Variants in PRKCE observed in about 807,000 individuals in gnomAD.
PRKCE encodes the protein protein kinase C epsilon.
PRKCE carries 16 observed loss-of-function variants against 85.4 expected under a neutral mutation model. The observed-to-expected ratio is 0.19, with a 90% confidence interval of 0.13 to 0.28. PRKCE has a LOEUF of 0.28. Ranked by LOEUF, PRKCE falls within the 10% of genes least tolerant of loss-of-function variation. PRKCE has a pLI of 1.00. For synonymous variants in PRKCE, 388 were observed against 371.5 expected (o/e 1.04, Z -0.51); for missense variants, 573 against 975.2 (o/e 0.59, Z 5.49).
chr2:45,961,005 T>C (rs1701337993), intron 2 of PRKCE, among the ~76,000 whole-genome samples: 1 of 152,360 alleles, frequency 6.6e-6, no homozygotes, highest in Admixed American at 6.5e-5. Context: ...ACAGAGGGGC[T>C]GGAAGCAAGA....
chr2:45,931,702 C>T (rs1469825901), intron 2 of PRKCE, among the ~76,000 whole-genome samples: 3 of 152,064 alleles, frequency 2.0e-5, no homozygotes, highest in African/African-American at 4.8e-5. Flanking sequence ...AGTGAGTATA[C>T]AGGTGACTGA....
At position 46,023,060 on chromosome 2, in the gene PRKCE, G is replaced by A. The variant is rs563743645; in HGVS notation, c.1437+12543G>A. On this transcript the variant is annotated intron_variant, in intron 10 of 14. Transcript: ENST00000306156. ...ATTGCGCCACTGCAGTCCGCAGTCC[G>A]TCCTGGGCGACAGAGCGAGACTCCG... is the stretch of plus-strand genomic sequence containing the variant. Among the ~76,000 whole-genome samples the A allele has an allele frequency of 2.9e-3, 393 of 133,700 alleles. 1 individual carries two copies. Among genetic ancestry groups the A allele is most frequent in the African/African-American group, 0.01 (343 of 33,842 alleles). The allele number at this position is 133,700 out of a possible 152,430, so 87.7% of individuals were successfully genotyped here. A position where few individuals can be genotyped will look rare whatever the true frequency, so the allele number is the denominator to read the frequency against.
At chr2:46,006,485 G>A (rs1219215213) in intron 8 of PRKCE, among the ~76,000 whole-genome samples, 1 of 152,154 alleles carries the variant, frequency 6.6e-6, no homozygotes, top group Non-Finnish European at 1.5e-5. Flanking sequence ...GCCCTTATGG[G>A]ACTCTGTCCT....
chr2:46,162,088 G>A (rs1346547668), intron 14 of PRKCE, among the ~76,000 whole-genome samples: 1 of 152,140 alleles, frequency 6.6e-6, no homozygotes, highest in Admixed American at 6.5e-5. Context: ...AGACAGGCAG[G>A]GAGCCCCTTA....
intron 14 of PRKCE, among the ~76,000 whole-genome samples, chr2:46,176,586 C>T (rs958637242): frequency 5.3e-5 from 8 of 152,200 alleles, no homozygotes; most frequent in African/African-American, 1.9e-4. Flanking sequence ...GTAGTAATCA[C>T]TTGAAGCAAT....
intron 2 of PRKCE, among the ~76,000 whole-genome samples, chr2:45,884,798 G>A (rs1028698113): frequency 1.3e-5 from 2 of 151,646 alleles, no homozygotes; most frequent in Non-Finnish European, 2.9e-5. Flanking sequence ...GGGATGAAGA[G>A]CGAAAGACAC....
intron 10 of PRKCE, among the ~76,000 whole-genome samples, chr2:46,065,879 C>T (rs1246068412): frequency 5.3e-5 from 8 of 152,152 alleles, no homozygotes; most frequent in African/African-American, 1.7e-4. Flanking sequence ...GCTGATGGCA[C>T]GGTCTCTTGG....
chr2:46,114,144 C>A (rs750300715), intron 11 of PRKCE, among the ~76,000 whole-genome samples: 10 of 152,084 alleles, frequency 6.6e-5, no homozygotes, highest in Non-Finnish European at 1.2e-4. Flanking sequence ...ACAGAAGAAC[C>A]CTGCGGTTCT....
rs1676563709 is a variant in PRKCE at position 45,677,477 on chromosome 2, C to T, written c.348+25029C>T. Among the ~76,000 whole-genome samples the T allele has an allele frequency of 5.3e-5, 8 of 152,066 alleles. No homozygotes were observed. In the South Asian group the frequency reaches 1.5e-3, roughly 28 times the overall value. ...GTTCCCGCCATTCTCCTGCCTCAGC[C>T]TCCCGAGTAGCTGGGACTACAGGCG... is the stretch of plus-strand genomic sequence containing the variant. On this transcript the variant is annotated intron_variant, in intron 1 of 14. Coordinates refer to ENST00000306156, the MANE Select transcript of PRKCE (RefSeq NM_005400.3).
At chr2:45,841,384 G>T (rs1691338367) in intron 1 of PRKCE, among the ~76,000 whole-genome samples, 1 of 152,202 alleles carries the variant, frequency 6.6e-6, no homozygotes. Context: ...GCAAACCACT[G>T]GTGTAAGTCC....
chr2:45,918,720 G>C (rs1698018888), intron 2 of PRKCE, among the ~76,000 whole-genome samples: 2 of 152,182 alleles, frequency 1.3e-5, no homozygotes, highest in South Asian at 2.1e-4. Context: ...ATGGGCCAGA[G>C]TCCTCTGCAG....
chr2:46,098,330 A>C (rs781098902), intron 11 of PRKCE, among the ~76,000 whole-genome samples: 7 of 137,980 alleles, frequency 5.1e-5, no homozygotes, highest in Admixed American at 2.8e-4. Flanking sequence ...TCCCCCCCCA[A>C]CCCACACAGA....
At chr2:45,706,024 C>A (rs978999530) in intron 1 of PRKCE, among the ~76,000 whole-genome samples, 9 of 152,110 alleles carry the variant, frequency 5.9e-5, no homozygotes, top group Non-Finnish European at 1.0e-4. Flanking sequence ...GGACCTGGTC[C>A]CCTGCAGTTG....
rs920056911 is a variant in PRKCE, at chr2:45,651,885, C to G, written c.-216C>G. The G allele has an allele frequency of 1.1e-4, 56 of 493,084 alleles. No individual in the cohort carries two copies. The highest frequency in any genetic ancestry group is 6.0e-4 in the East Asian group (19 of 31,446). 30.5% of individuals were successfully genotyped at this position (493,084 alleles called of 1,614,324 possible). A position where few individuals can be genotyped will look rare whatever the true frequency, so the allele number is the denominator to read the frequency against. ...ACACGGACATCCCCCAGCTCTCCCC[C>G]CTCCCTGTTTTCCGTTAGGAACCCG... On this transcript the variant is annotated 5_prime_UTR_variant, in exon 1 of 15. Transcript: ENST00000306156.
At chr2:46,069,359 C>T (rs1482688176) in intron 10 of PRKCE, among the ~76,000 whole-genome samples, 2 of 151,956 alleles carry the variant, frequency 1.3e-5, no homozygotes. Context: ...TTTCTGGATT[C>T]TGATATGGTA....
intron 1 of PRKCE, among the ~76,000 whole-genome samples, chr2:45,694,678 G>A (rs1002445364): frequency 6.6e-6 from 1 of 152,218 alleles, no homozygotes; most frequent in East Asian, 1.9e-4. Flanking sequence ...GTGAGACTTC[G>A]AATGGTGGGT....
At chr2:46,082,303 A>G (rs1669162069) in intron 10 of PRKCE, among the ~76,000 whole-genome samples, 1 of 152,194 alleles carries the variant, frequency 6.6e-6, no homozygotes, top group African/African-American at 2.4e-5. Context: ...AGAGAAATGG[A>G]CAAGTATACA....
chr2:45,945,035 G>A (rs927486926), intron 2 of PRKCE, among the ~76,000 whole-genome samples: 1 of 151,736 alleles, frequency 6.6e-6, no homozygotes, highest in Non-Finnish European at 1.5e-5. Flanking sequence ...CCCCCTTCCT[G>A]AGCCTTCCAT....
intron 13 of PRKCE, 41 bp downstream of exon 13, chr2:46,151,270 C>T: frequency 6.9e-7 from 1 of 1,448,034 alleles, no homozygotes; most frequent in Non-Finnish European, 9.4e-7. Flanking sequence ...CTCTCCTGGG[C>T]TCCTCCCCCT....
Sources: gnomAD v4.1 joint callset for allele counts (sites outside exome capture counted in the v4.1 genomes callset) on GRCh38, gnomAD v4.1.1 for gene constraint, MANE v1.5 for transcripts, NCBI Gene and HGNC (gene_info 2026-07-23, HGNC 2026-07-21) for gene names.